NELL1: variants seen among roughly 807,000 people sequenced by gnomAD.
The protein encoded by NELL1 is neural EGFL like 1.
NELL1 carries 76 observed loss-of-function variants against 107.4 expected under a neutral mutation model. That is an observed-to-expected ratio of 0.71 (90% CI 0.59 to 0.86). The LOEUF (loss-of-function observed/expected upper bound fraction) is 0.86, where lower values mean the gene tolerates loss of function less well. Among genes scored for constraint, NELL1 ranks in the 40% least tolerant of loss-of-function variants. NELL1 has a pLI of 0.00. For synonymous variants in NELL1, 353 were observed against 341.2 expected (o/e 1.03, Z -0.38); for missense variants, 1,024 against 1,005.5 (o/e 1.02, Z -0.25).
At chr11:21,393,604 C>T (rs1401620847) in intron 15 of NELL1, among the ~76,000 whole-genome samples, 2 of 151,578 alleles carry the variant, frequency 1.3e-5, no homozygotes, top group Non-Finnish European at 1.5e-5. Context: ...GATTTAGTGA[C>T]CTGCATTTGG....
chr11:21,361,096 A>G (rs1478598778), intron 14 of NELL1, among the ~76,000 whole-genome samples: 1 of 151,682 alleles, frequency 6.6e-6, no homozygotes, highest in Non-Finnish European at 1.5e-5. Context: ...CTTTTTTTGT[A>G]TATTTTGAAG....
intron 12 of NELL1, among the ~76,000 whole-genome samples, chr11:21,059,359 A>T (rs933864963): frequency 2.0e-5 from 3 of 151,456 alleles, no homozygotes; most frequent in African/African-American, 7.3e-5. Flanking sequence ...GCTGACCGGA[A>T]CCTTGGGATT....
intron 13 of NELL1, among the ~76,000 whole-genome samples, chr11:21,150,700 A>C (rs962702258): frequency 6.6e-6 from 1 of 152,196 alleles, no homozygotes; most frequent in Non-Finnish European, 1.5e-5. Flanking sequence ...GAGGGACAGC[A>C]CACTACTCTT....
intron 2 of NELL1, among the ~76,000 whole-genome samples, chr11:20,690,755 T>C (rs36150129): frequency 0.4 from 60,107 of 150,958 alleles, 13,684 homozygotes; most frequent in African/African-American, 0.62. Context: ...AGGATTGACT[T>C]GGCGATGTGG....
intron 13 of NELL1, among the ~76,000 whole-genome samples, chr11:21,186,375 A>G (rs1856935994): frequency 6.6e-6 from 1 of 151,848 alleles, no homozygotes; most frequent in African/African-American, 2.4e-5. Context: ...GACAGTGAGT[A>G]TATGTGTGTT....
At chr11:21,282,209 A>G (rs957331891) in intron 14 of NELL1, among the ~76,000 whole-genome samples, 1 of 152,234 alleles carries the variant, frequency 6.6e-6, no homozygotes, top group African/African-American at 2.4e-5. Context: ...GACGTTTCTC[A>G]AAAGAAGACA....
intron 3 of NELL1, among the ~76,000 whole-genome samples, chr11:20,827,565 T>C (rs1857911393): frequency 6.6e-6 from 1 of 151,126 alleles, no homozygotes; most frequent in South Asian, 2.1e-4. Flanking sequence ...ATTCCAGGTG[T>C]TTCTGAGGGT....
intron 4 of NELL1, among the ~76,000 whole-genome samples, chr11:20,860,982 A>G (rs574909486): frequency 6.6e-6 from 1 of 152,194 alleles, no homozygotes; most frequent in Non-Finnish European, 1.5e-5. Context: ...TCTGTTTCAT[A>G]AAATTTGAAG....
At chr11:20,891,771 A>G (rs965219271) in intron 5 of NELL1, among the ~76,000 whole-genome samples, 1 of 152,238 alleles carries the variant, frequency 6.6e-6, no homozygotes, top group Non-Finnish European at 1.5e-5. Context: ...AAAGAAGGGC[A>G]TTACATAATG....
chr11:21,507,228 T>A (rs1855302534), intron 15 of NELL1, among the ~76,000 whole-genome samples: 1 of 152,238 alleles, frequency 6.6e-6, no homozygotes, highest in Non-Finnish European at 1.5e-5. Flanking sequence ...TCATTGAATA[T>A]CTTCCTTTCA....
At chr11:21,152,547 G>T (rs1247807596) in intron 13 of NELL1, among the ~76,000 whole-genome samples, 2 of 152,120 alleles carry the variant, frequency 1.3e-5, no homozygotes, top group Admixed American at 6.6e-5. Context: ...AAAGGGCAAA[G>T]CTGAGGCCTA....
Position 21,575,043 on chromosome 11 carries a change from C to A in NELL1, c.*21C>A. The A allele has an allele frequency of 6.3e-7, 1 of 1,594,798 alleles. No homozygotes were observed. The highest frequency in any genetic ancestry group is 8.6e-7 in the Non-Finnish European group (1 of 1,163,556). ...ATTGAAGTATTTACAGTGGACTCAACGCAGAAGAATGGACGAAATGACCAT... is the reference window on the plus strand; with the variant it reads ...ATTGAAGTATTTACAGTGGACTCAAAGCAGAAGAATGGACGAAATGACCAT... On this transcript the variant is annotated 3_prime_UTR_variant, in exon 20 of 20. Transcript: ENST00000357134.
chr11:20,743,303 A>G (rs866838066), intron 2 of NELL1, among the ~76,000 whole-genome samples: 4 of 151,980 alleles, frequency 2.6e-5, no homozygotes, highest in Non-Finnish European at 4.4e-5. Context: ...CAGTGAGCCA[A>G]GATCGTGCCA....
At chr11:20,990,372 C>T (rs1012056284) in intron 12 of NELL1, among the ~76,000 whole-genome samples, 6 of 152,154 alleles carry the variant, frequency 3.9e-5, no homozygotes, top group Non-Finnish European at 7.4e-5. Context: ...TTGGATGTGG[C>T]CTTGGCAAAG....
At chr11:20,909,081 GAC>G (rs1850068551) in intron 5 of NELL1, among the ~76,000 whole-genome samples, 1 of 152,150 alleles carries the variant, frequency 6.6e-6, no homozygotes, top group Admixed American at 6.6e-5. Flanking sequence ...TGCACAAAAG[GAC>G]AACTATTCTT....
intron 3 of NELL1, among the ~76,000 whole-genome samples, chr11:20,799,949 A>C (rs1356665848): frequency 6.6e-6 from 1 of 152,206 alleles, no homozygotes; most frequent in Admixed American, 6.5e-5. Context: ...ATAAGTAAGA[A>C]CATGCAATAT....
rs1205040336 is a variant in NELL1 at position 20,681,168 on chromosome 11, T to G, written c.184+3108T>G. Reference sequence around the variant, plus strand: ...CTTTTATTGTGTTTTGCAATCTGGATAGGCTGAGAACTCTCTGAATTATCA... The same window carrying G: ...CTTTTATTGTGTTTTGCAATCTGGAGAGGCTGAGAACTCTCTGAATTATCA... On this transcript the variant is annotated intron_variant, in intron 2 of 19. Coordinates refer to ENST00000357134, the MANE Select transcript of NELL1 (RefSeq NM_006157.5). Among the ~76,000 whole-genome samples the G allele has an allele frequency of 5.9e-5, 9 of 152,290 alleles. 1 individual carries two copies. The South Asian group carries it at 8.3e-4, about 14-fold the overall frequency.
rs1590390637 is a variant in NELL1, at chr11:20,895,537, G to A, written c.603+9997G>A. Among the ~76,000 whole-genome samples the A allele has an allele frequency of 4.2e-5, 5 of 120,166 alleles. No individual in the cohort carries two copies. The South Asian group carries it at 8.4e-4, about 20-fold the overall frequency. The allele number at this position is 120,166 out of a possible 152,430, so 78.8% of individuals were successfully genotyped here. A position where few individuals can be genotyped will look rare whatever the true frequency, so the allele number is the denominator to read the frequency against. On this transcript the variant is annotated intron_variant, in intron 5 of 19. Transcript: ENST00000357134. Reference sequence around the variant, plus strand: ...TTTTTTTTTTTTGAGACGGAGTCTCGCTCTGTTGCCCAGGCTGGAGTGCAG... The same window carrying A: ...TTTTTTTTTTTTGAGACGGAGTCTCACTCTGTTGCCCAGGCTGGAGTGCAG...
rs539283160 is a variant in NELL1, at chr11:20,748,797, C to T, written c.185-34883C>T. Reference sequence around the variant, plus strand: ...TATATGCGTGTATATATATAATTTTCTTTATCCACTCATCAGTTGATGGGC... The same window carrying T: ...TATATGCGTGTATATATATAATTTTTTTTATCCACTCATCAGTTGATGGGC... On this transcript the variant is annotated intron_variant, in intron 2 of 19. Transcript: ENST00000357134. Among the ~76,000 whole-genome samples, 10 of 152,004 alleles carry T rather than the reference C, an allele frequency of 6.6e-5. 1 individual carries two copies. The highest frequency in any genetic ancestry group is 2.2e-4 in the African/African-American group (9 of 41,378).
Sources: allele counts gnomAD v4.1 joint callset (sites outside exome capture counted in the v4.1 genomes callset), GRCh38; gene constraint gnomAD v4.1.1; transcripts MANE v1.5; gene names NCBI Gene and HGNC (gene_info 2026-07-23, HGNC 2026-07-21).